Variants in ATG4C observed in about 807,000 individuals in gnomAD.
ATG4C encodes the protein cysteine protease ATG4C.
Under a neutral mutation model 57.6 loss-of-function variants are expected in ATG4C, and 56 were observed. The observed-to-expected ratio is 0.97, with a 90% CI of 0.78 to 1.21. The LOEUF is 1.21. ATG4C is among the 50% of genes most tolerant of loss of function. ATG4C has a pLI of 0.00. For synonymous variants in ATG4C, 157 were observed against 174.1 expected (o/e 0.90, Z 0.78); for missense variants, 595 against 529.8 (o/e 1.12, Z -1.21).
chr1:62,843,873 C>T (rs1442080422), intron 10 of ATG4C, among the ~76,000 whole-genome samples: 1 of 152,054 alleles, frequency 6.6e-6, no homozygotes, highest in East Asian at 1.9e-4. Context: ...ATATGGTAAG[C>T]ATCCATATGG....
intron 7 of ATG4C, among the ~76,000 whole-genome samples, chr1:62,830,387 T>G (rs564633715): frequency 1.3e-5 from 2 of 152,242 alleles, no homozygotes; most frequent in East Asian, 3.9e-4. Context: ...AACTGGATTC[T>G]TTTTTGCCTT....
intron 1 of ATG4C, among the ~76,000 whole-genome samples, chr1:62,793,166 G>A (rs1282984261): frequency 1.3e-5 from 2 of 151,802 alleles, no homozygotes; most frequent in African/African-American, 4.8e-5. Flanking sequence ...GACTACAGGC[G>A]TGAGCCACCG....
chr1:62,841,288 G>A lies in ATG4C; in HGVS notation c.1090-140G>A, dbSNP rs1422039229. 2.1e-5 allele frequency: 14 copies of A among 675,350 alleles called. No individual in the cohort carries two copies. In the East Asian group the frequency reaches 3.4e-4, roughly 16 times the overall value. 41.8% of individuals were successfully genotyped at this position (675,350 alleles called of 1,614,324 possible). ...TTTTGCAGAGTGGAGAGGACCATCTGCGTAGGATGAACTAAAACACCATTT... is the reference window on the plus strand; with the variant it reads ...TTTTGCAGAGTGGAGAGGACCATCTACGTAGGATGAACTAAAACACCATTT... On this transcript the variant is annotated intron_variant, in intron 9 of 10. Transcript: ENST00000317868.
rs769114548 is a variant in ATG4C at position 62,803,815 on chromosome 1, A to G, written c.29A>G (p.Asp10Gly). MEATGTDEVDKLKTKFISAW... is the reference protein window; with the variant it reads MEATGTDEVGKLKTKFISAW... The stretch of plus-strand genomic sequence containing the variant: ...GAGGCTACAGGAACAGATGAAGTTG[A>G]CAAGCTAAAAACCAAATTTATATCT... The change falls in exon 2 of 11, where the codon GAC becomes GGC. Residue 10 changes from aspartate (D) to glycine (G), a missense_variant. Transcript: ENST00000317868. 1.9e-6 allele frequency: 3 copies of G among 1,607,078 alleles called. No individual in the cohort carries two copies. The highest frequency in any genetic ancestry group is 2.6e-6 in the Non-Finnish European group (3 of 1,176,424).
At chr1:62,793,916 A>C (rs1198467760) in intron 1 of ATG4C, among the ~76,000 whole-genome samples, 1 of 152,182 alleles carries the variant, frequency 6.6e-6, no homozygotes, top group African/African-American at 2.4e-5. Context: ...ACCGTGAGTT[A>C]ATATTAAGAG....
At chr1:62,851,807 A>AATGTAAGATAATTGTTT (rs1289306843) in intron 10 of ATG4C, among the ~76,000 whole-genome samples, 1 of 152,206 alleles carries the variant, frequency 6.6e-6, no homozygotes, top group Non-Finnish European at 1.5e-5. Context: ...GAAAAAAAGG[A>AATGTAAGATAATTGTTT]ATGTAAGATA....
chr1:62,784,304 A>G (rs7540030), intron 1 of ATG4C, 31 bp downstream of exon 1: 99,414 of 152,224 alleles, frequency 0.65, 33,100 homozygotes, highest in African/African-American at 0.79. Flanking sequence ...TAAAGGAGTC[A>G]AGAAGTTTGG....
At chr1:62,806,648 G>T (rs922603158) in intron 3 of ATG4C, among the ~76,000 whole-genome samples, 4 of 152,138 alleles carry the variant, frequency 2.6e-5, no homozygotes, top group African/African-American at 9.7e-5. Context: ...AAAGGAGAAA[G>T]GTGTGGGAGG....
Position 62,864,348 on chromosome 1 carries a change from T to C in ATG4C, c.*189T>C, listed in dbSNP as rs1003069187. 25 of 464,664 alleles carry C rather than the reference T, an allele frequency of 5.4e-5. No individual in the cohort carries two copies. The highest frequency in any genetic ancestry group is 4.3e-4 in the African/African-American group (21 of 48,798). 28.8% of individuals were successfully genotyped at this position (464,664 alleles called of 1,614,324 possible). ...AGAAATGATTTAATGAATCTTGCTT[T>C]CTAATAAATAAATTGAGTGATTCTG... On this transcript the variant is annotated 3_prime_UTR_variant, in exon 11 of 11. Transcript: ENST00000317868.
intron 10 of ATG4C, among the ~76,000 whole-genome samples, chr1:62,861,857 C>G (rs1265301850): frequency 6.6e-6 from 1 of 151,888 alleles, no homozygotes; most frequent in Non-Finnish European, 1.5e-5. Flanking sequence ...ACATAGATAG[C>G]CTAAATTGTA....
intron 3 of ATG4C, among the ~76,000 whole-genome samples, chr1:62,813,697 C>T (rs541673158): frequency 1.3e-5 from 2 of 152,162 alleles, no homozygotes; most frequent in South Asian, 4.2e-4. Context: ...TGCAATCTCT[C>T]CATCTGACAA....
In ATG4C at chr1:62,802,144, A is replaced by G. The variant is rs796752975; in HGVS notation, c.-68-1575A>G. 5.9e-4 allele frequency among the ~76,000 whole-genome samples: 90 copies of G among 151,946 alleles called. 2 individuals are homozygous for G. The highest frequency in any genetic ancestry group is 2.1e-3 in the African/African-American group (86 of 41,446). ...ACCATCTGTTTAGTTTCACACACCAAAGCCTGGGTATATCTTTGGCATATC... is the reference window on the plus strand; with the variant it reads ...ACCATCTGTTTAGTTTCACACACCAGAGCCTGGGTATATCTTTGGCATATC... On this transcript the variant is annotated intron_variant, in intron 1 of 10. Coordinates refer to ENST00000317868, the MANE Select transcript of ATG4C (RefSeq NM_032852.4).
At chr1:62,807,819 AG>A (rs1664931159) in intron 3 of ATG4C, among the ~76,000 whole-genome samples, 1 of 152,190 alleles carries the variant, frequency 6.6e-6, no homozygotes, top group Admixed American at 6.5e-5. Flanking sequence ...AAACCTGAGG[AG>A]GGGATAGTGG....
intron 2 of ATG4C, among the ~76,000 whole-genome samples, chr1:62,804,589 T>C (rs1377592125): frequency 6.6e-6 from 1 of 152,162 alleles, no homozygotes; most frequent in Middle Eastern, 3.2e-3. Context: ...AAATAGACTG[T>C]AAAGTTCGTG....
At chr1:62,846,843 T>A (rs776756067) in intron 10 of ATG4C, among the ~76,000 whole-genome samples, 12 of 152,192 alleles carry the variant, frequency 7.9e-5, no homozygotes, top group South Asian at 2.1e-4. Context: ...TGCCTCTAGC[T>A]GGTTCTCAAT....
Position 62,864,382 on chromosome 1 carries a change from C to T in ATG4C, c.*223C>T. The T allele has an allele frequency of 2.7e-6, 1 of 375,964 alleles. No homozygotes were observed. 23.3% of individuals were successfully genotyped at this position (375,964 alleles called of 1,614,324 possible). On this transcript the variant is annotated 3_prime_UTR_variant, in exon 11 of 11. Coordinates refer to ENST00000317868, the MANE Select transcript of ATG4C (RefSeq NM_032852.4). Reference sequence around the variant, plus strand: ...TAAATTGAGTGATTCTGGTTGCATTCCTATTTCCCTAAGATCTACTAGTGA... The same window carrying T: ...TAAATTGAGTGATTCTGGTTGCATTTCTATTTCCCTAAGATCTACTAGTGA...
In ATG4C at chr1:62,805,623, T is replaced by C. The variant is rs1454398456; in HGVS notation, c.160+368T>C. On this transcript the variant is annotated intron_variant, in intron 3 of 10. Transcript: ENST00000317868. ...GATGTTTCAGTATCTGAAATTGACT[T>C]TACTTGATGGTTTTGAATTTCTACG... Among the ~76,000 whole-genome samples, 8 of 152,152 alleles carry C rather than the reference T, an allele frequency of 5.3e-5. No individual in the cohort carries two copies. The East Asian group carries it at 1.5e-3, about 29-fold the overall frequency.
At chr1:62,791,609 C>T (rs948289350) in intron 1 of ATG4C, among the ~76,000 whole-genome samples, 2 of 152,198 alleles carry the variant, frequency 1.3e-5, no homozygotes, top group Non-Finnish European at 2.9e-5. Flanking sequence ...GAGCTAAACA[C>T]ACTAGCTCCA....
chr1:62,861,610 C>G (rs931369379), intron 10 of ATG4C, among the ~76,000 whole-genome samples: 1 of 95,900 alleles, frequency 1.0e-5, no homozygotes, highest in Non-Finnish European at 2.3e-5. Flanking sequence ...CACACACACA[C>G]ACACACACAC....
Sources: allele counts gnomAD v4.1 joint callset (sites outside exome capture counted in the v4.1 genomes callset), GRCh38; gene constraint gnomAD v4.1.1; transcripts MANE v1.5; gene names NCBI Gene and HGNC (gene_info 2026-07-23, HGNC 2026-07-21).